The following ADAMTS7 variants were observed in gnomAD, a reference collection of about 807,000 sequenced individuals.
The protein encoded by ADAMTS7 is ADAM metallopeptidase with thrombospondin type 1 motif 7, also known as A disintegrin and metalloproteinase with thrombospondin motifs 7.
In ADAMTS7, 89 loss-of-function variants were observed where a neutral mutation model predicts 172.6. The observed-to-expected ratio is 0.52, with a 90% CI of 0.43 to 0.61. The LOEUF (loss-of-function observed/expected upper bound fraction) is 0.61. Ranked by LOEUF, ADAMTS7 falls within the 20% of genes least tolerant of loss-of-function variation. The probability of loss-of-function intolerance (pLI) is 0.00; values close to 1 mark genes in which losing one functional copy is unlikely to be tolerated. For synonymous variants in ADAMTS7, 885 were observed against 978.4 expected, an observed-to-expected ratio of 0.90 and a Z score of 1.78; for missense variants, 1,973 against 2,355.6, an observed-to-expected ratio of 0.84 and a Z score of 3.36.
chr15:78,767,777 A>G (rs1457616442), intron 17 of ADAMTS7, among the ~76,000 whole-genome samples, 185 bp from the exon 18 acceptor site: 1 of 151,884 alleles, frequency 6.6e-6, no homozygotes, highest in Non-Finnish European at 1.5e-5. Context: ...GCCTGGTGAC[A>G]TGGCACAGCC....
intron 6 of ADAMTS7, 104 bp from the exon 7 acceptor site, chr15:78,789,942 G>A (rs2055556541): frequency 6.9e-7 from 1 of 1,443,180 alleles, no homozygotes; most frequent in Non-Finnish European, 9.3e-7. Context: ...CAAGCGAAAA[G>A]GATGTCTCTC....
At position 78,771,561 on chromosome 15, in the gene ADAMTS7, G is replaced by C. The variant is rs372130141; in HGVS notation, c.2376+24C>G. 4 of 1,581,508 alleles carry C rather than the reference G, an allele frequency of 2.5e-6. No individual in the cohort carries two copies. In the South Asian group the frequency reaches 4.5e-5, roughly 18 times the overall value. On this transcript the variant is annotated intron_variant, in intron 15 of 23. Coordinates refer to ENST00000388820, the MANE Select transcript of ADAMTS7 (RefSeq NM_014272.5). The surrounding 1 kb of genome is among the most constrained non-coding windows in gnomAD (Gnocchi z 4.9). ...TGGGGACTCCGCCTCTGCTCCCCCCGCCTGGGCCACGGGAGGCAGGCACCT... is the reference window on the plus strand; with the variant it reads ...TGGGGACTCCGCCTCTGCTCCCCCCCCCTGGGCCACGGGAGGCAGGCACCT...
At chr15:78,801,163 G>C (rs775914717) in intron 1 of ADAMTS7, among the ~76,000 whole-genome samples, 1 of 152,026 alleles carries the variant, frequency 6.6e-6, no homozygotes, top group Non-Finnish European at 1.5e-5. Flanking sequence ...AAACCAGCGC[G>C]ATCATCGTCT....
chr15:78,759,491 C>T lies in ADAMTS7; in HGVS notation c.4991G>A (p.Cys1664Tyr), dbSNP rs372624697. Residue 1664 changes from cysteine to tyrosine, a missense_variant, in exon 24 of 24, where the codon TGC becomes TAC. Coordinates refer to ENST00000388820, the MANE Select transcript of ADAMTS7 (RefSeq NM_014272.5). ...GCTGGGCGGAGAGCACGAGCGGCAG[C>T]ACTGGGTGCGGATGGTGGGCAGCTG... is the stretch of plus-strand genomic sequence containing the variant. ...RCQLPTIRTQ[C>Y]CRSCSPPSHG... The T allele has an allele frequency of 1.9e-6, 3 of 1,597,498 alleles. No individual in the cohort carries two copies. Among genetic ancestry groups the T allele is most frequent in the Non-Finnish European group, 2.5e-6 (3 of 1,177,562 alleles).
chr15:78,765,637 C>G lies in ADAMTS7; in HGVS notation c.4266+8G>C. The G allele has an allele frequency of 1.9e-6, 3 of 1,606,400 alleles. No individual in the cohort carries two copies. The highest frequency in any genetic ancestry group is 2.5e-6 in the Non-Finnish European group (3 of 1,177,482). On this transcript the variant is annotated splice_region_variant and intron_variant, in intron 19 of 23. Transcript: ENST00000388820. Reference sequence around the variant, plus strand: ...AAACTCCCTGCCCGCCCAGCCCACACCACTTGCCTCGCTCCAGTTTCCCGC... The same window carrying G: ...AAACTCCCTGCCCGCCCAGCCCACAGCACTTGCCTCGCTCCAGTTTCCCGC...
chr15:78,791,008 G>T lies in ADAMTS7; in HGVS notation c.903+132C>A, dbSNP rs2055573049. 4 of 1,247,460 alleles carry T rather than the reference G, an allele frequency of 3.2e-6. No homozygotes were observed. The South Asian group carries it at 5.6e-5, about 17-fold the overall frequency. 77.3% of individuals were successfully genotyped at this position (1,247,460 alleles called of 1,614,324 possible). ...GAGGGTCAGTCAGGAACCAGGGGGT[G>T]GCAGGGGACACGGTCCAGGCCAAGG... On this transcript the variant is annotated intron_variant, in intron 5 of 23. Transcript: ENST00000388820.
chr15:78,794,376 T>A (rs2055617360), intron 4 of ADAMTS7, among the ~76,000 whole-genome samples: 1 of 152,238 alleles, frequency 6.6e-6, no homozygotes, highest in South Asian at 2.1e-4. Context: ...GGCTCCACAG[T>A]CCAGGCTTCC....
intron 7 of ADAMTS7, among the ~76,000 whole-genome samples, chr15:78,788,741 C>T (rs2055540207): frequency 6.6e-6 from 1 of 152,242 alleles, no homozygotes; most frequent in South Asian, 2.1e-4. Flanking sequence ...GACAGCGGTT[C>T]CCACTCACAG....
In ADAMTS7 at chr15:78,800,411, G is replaced by T. The variant is rs1200238932; in HGVS notation, c.237C>A (p.Pro79=). Residue 79 remains proline, a synonymous_variant, in exon 2 of 24, where the codon CCC becomes CCA. Transcript: ENST00000388820. The stretch of plus-strand genomic sequence containing the variant: ...CGCGGTATTGTAGCTCGTAGAAGGC[G>T]GGCGCGTCTCGGCGCACAGATACAT... ...KRDVSVRRDA[P]AFYELQYRGR... 20 of 1,609,014 alleles carry T rather than the reference G, an allele frequency of 1.2e-5. No homozygotes were observed. Among genetic ancestry groups the T allele is most frequent in the Non-Finnish European group, 1.6e-5 (19 of 1,178,048 alleles).
Position 78,766,521 on chromosome 15 carries a change from C to T in ADAMTS7, c.3390G>A (p.Pro1130=), listed in dbSNP as rs770946865. ...GGCCGGCCTGGCTAGGCCAAGGGCT[C>T]GGGGACCAAGGTCCCAGTACCCCCT... is the stretch of plus-strand genomic sequence containing the variant. The part of the protein sequence containing the change: ...KEEGVLGPWS[P]SPWPSQAGRS... Residue 1130 remains proline (P), a synonymous_variant, in exon 19 of 24, where the codon CCG becomes CCA. Coordinates refer to ENST00000388820, the MANE Select transcript of ADAMTS7 (RefSeq NM_014272.5). 62 of 1,585,746 alleles carry T rather than the reference C, an allele frequency of 3.9e-5. 2 individuals are homozygous for T. The highest frequency in any genetic ancestry group is 1.3e-4 in the South Asian group (11 of 86,804).
chr15:78,774,392 A>C (rs1207164949), intron 12 of ADAMTS7, 92 bp from the exon 13 acceptor site: 35 of 1,451,680 alleles, frequency 2.4e-5, no homozygotes, highest in Non-Finnish European at 2.9e-5. Context: ...CATCCATGGC[A>C]GGCTGGAGGC....
rs748756654 is a variant in ADAMTS7 at position 78,774,312 on chromosome 15, A to G, written c.1877-12T>C. On this transcript the variant is annotated splice_polypyrimidine_tract_variant and intron_variant, in intron 12 of 23. Transcript: ENST00000388820. ...CTCGCAGGGGTTCACTGAGGGCCCAAGTAGAAGAGTCATCAGCAACAGCTG... is the reference window on the plus strand; with the variant it reads ...CTCGCAGGGGTTCACTGAGGGCCCAGGTAGAAGAGTCATCAGCAACAGCTG... 9.0e-6 allele frequency: 14 copies of G among 1,554,632 alleles called. No individual in the cohort carries two copies. In the South Asian group the frequency reaches 1.2e-4, roughly 13 times the overall value.
intron 8 of ADAMTS7, among the ~76,000 whole-genome samples, chr15:78,778,976 C>T (rs549393676): frequency 6.6e-6 from 1 of 150,514 alleles, no homozygotes; most frequent in South Asian, 2.1e-4. Flanking sequence ...AGACCATGGA[C>T]TCCCGAAGCC....
intron 4 of ADAMTS7, 48 bp downstream of exon 4, chr15:78,796,542 C>A (rs1307392087): frequency 2.6e-6 from 4 of 1,556,140 alleles, no homozygotes; most frequent in South Asian, 1.2e-5. Flanking sequence ...TTGCACCCCA[C>A]CCCCCAACAC....
intron 7 of ADAMTS7, among the ~76,000 whole-genome samples, chr15:78,788,607 A>C (rs2055538527): frequency 6.6e-6 from 1 of 152,230 alleles, no homozygotes; most frequent in African/African-American, 2.4e-5. Flanking sequence ...CCAGCCTGAA[A>C]TGAGGGCCAG....
At chr15:78,763,585 G>C in intron 22 of ADAMTS7, 114 bp downstream of exon 22, 1 of 1,346,990 alleles carries the variant, frequency 7.4e-7, no homozygotes, top group South Asian at 1.8e-5. Flanking sequence ...TCCAGTGACA[G>C]GGCCACAAAG....
At chr15:78,769,346 C>T (rs1466141239) in intron 16 of ADAMTS7, among the ~76,000 whole-genome samples, 1 of 152,192 alleles carries the variant, frequency 6.6e-6, no homozygotes, top group African/African-American at 2.4e-5. Context: ...AGTAAGTTGT[C>T]CCTCCCCTGA....
rs1361633810 is a variant in ADAMTS7 at position 78,771,939 on chromosome 15, CTT to C, written c.2132-112_2132-111del. On this transcript the variant is annotated intron_variant, in intron 14 of 23. Coordinates refer to ENST00000388820, the MANE Select transcript of ADAMTS7 (RefSeq NM_014272.5). The surrounding 1 kb of genome is among the most constrained non-coding windows in gnomAD (Gnocchi z 4.9). ...TTGCCTCCGCCTGCTGATGCCAAAG[CTT>C]TAAAGTCTGAGCTCCCTAAATTGCT... The C allele has an allele frequency of 4.8e-6, 7 of 1,460,240 alleles. No individual in the cohort carries two copies. In the African/African-American group the frequency reaches 9.8e-5, roughly 20 times the overall value. The allele number at this position is 1,460,240 out of a possible 1,614,324, so 90.5% of individuals were successfully genotyped here.
chr15:78,796,834 G>T (rs1251112554), intron 3 of ADAMTS7, 48 bp from the exon 4 acceptor site: 2 of 1,521,864 alleles, frequency 1.3e-6, no homozygotes, highest in Admixed American at 2.0e-5. Context: ...ACAGGCCCAG[G>T]GCACACGTCT....
Sources: allele counts gnomAD v4.1 joint callset (sites outside exome capture counted in the v4.1 genomes callset), GRCh38; gene constraint gnomAD v4.1.1; non-coding constraint Gnocchi (gnomAD v3.1); transcripts MANE v1.5; gene names NCBI Gene and HGNC (gene_info 2026-07-23, HGNC 2026-07-21).